ATAD2B: variants seen among roughly 807,000 people sequenced by gnomAD.
ATAD2B encodes the protein ATPase family AAA domain-containing protein 2B.
In ATAD2B, 40 loss-of-function variants were observed where a neutral mutation model predicts 167.6. That is an observed-to-expected ratio of 0.24 (90% CI 0.19 to 0.31). The LOEUF (loss-of-function observed/expected upper bound fraction) is 0.31. ATAD2B is among the 10% of genes least tolerant of loss of function. The pLI is 1.00. For synonymous variants in ATAD2B, 579 were observed against 596.5 expected (o/e 0.97, Z 0.43); for missense variants, 1,242 against 1,757.2 (o/e 0.71, Z 5.24).
At chr2:23,878,590 C>T (rs1490507928) in intron 7 of ATAD2B, among the ~76,000 whole-genome samples, 1 of 151,756 alleles carries the variant, frequency 6.6e-6, no homozygotes, top group East Asian at 1.9e-4. Flanking sequence ...ACCTGGGAGG[C>T]GGAGCTTGCA....
At chr2:23,886,094 A>C (rs1422556991) in intron 4 of ATAD2B, among the ~76,000 whole-genome samples, 1 of 151,848 alleles carries the variant, frequency 6.6e-6, no homozygotes, top group East Asian at 1.9e-4. Flanking sequence ...ACAGGCATGC[A>C]CTACCATGCC....
intron 14 of ATAD2B, among the ~76,000 whole-genome samples, chr2:23,829,418 GA>G (rs1157786390): frequency 6.6e-6 from 1 of 152,064 alleles, no homozygotes; most frequent in Non-Finnish European, 1.5e-5. Flanking sequence ...ACTTAAACTT[GA>G]AAAAAGTTTT....
chr2:23,803,300 T>C (rs1451579102), intron 18 of ATAD2B, among the ~76,000 whole-genome samples: 1 of 149,654 alleles, frequency 6.7e-6, no homozygotes, highest in Non-Finnish European at 1.5e-5. Context: ...AAATGCTCAG[T>C]AACATATGTG....
chr2:23,835,321 G>C (rs1480880362), intron 13 of ATAD2B, among the ~76,000 whole-genome samples: 2 of 152,200 alleles, frequency 1.3e-5, no homozygotes, highest in Non-Finnish European at 2.9e-5. Context: ...CAATGGAACA[G>C]TATTCCTCAA....
intron 19 of ATAD2B, among the ~76,000 whole-genome samples, chr2:23,789,764 T>C (rs1471067116): frequency 6.6e-6 from 1 of 152,164 alleles, no homozygotes; most frequent in East Asian, 1.9e-4. Context: ...ATAAATATGA[T>C]ATCATTCTAC....
intron 22 of ATAD2B, among the ~76,000 whole-genome samples, chr2:23,772,988 T>A (rs1254813544): frequency 6.6e-6 from 1 of 152,176 alleles, no homozygotes; most frequent in Non-Finnish European, 1.5e-5. Context: ...GCGATCTGCC[T>A]ACCTCGGTCT....
the ATAD2B span, among the ~76,000 whole-genome samples, chr2:23,728,483 A>G: frequency 5.9e-5 from 9 of 152,218 alleles, no homozygotes; most frequent in Non-Finnish European, 1.2e-4. Flanking sequence ...ATACTACGAA[A>G]AAAAGTCAAC....
chr2:23,855,059 T>A (rs1222884893), intron 13 of ATAD2B, among the ~76,000 whole-genome samples: 1 of 152,070 alleles, frequency 6.6e-6, no homozygotes, highest in African/African-American at 2.4e-5. Flanking sequence ...CCGGGCATGG[T>A]GGTGCACACC....
chr2:23,794,314 C>T (rs2149443920), intron 19 of ATAD2B, among the ~76,000 whole-genome samples: 1 of 152,264 alleles, frequency 6.6e-6, no homozygotes, highest in Non-Finnish European at 1.5e-5. Context: ...CCAGCCAGCA[C>T]TGTTTTAAAT....
chr2:23,849,321 C>T (rs1160058872), intron 13 of ATAD2B, among the ~76,000 whole-genome samples: 1 of 151,930 alleles, frequency 6.6e-6, no homozygotes, highest in African/African-American at 2.4e-5. Flanking sequence ...AAATAAATTT[C>T]AAAATTAAGT....
At chr2:23,804,733 T>C (rs969567694) in intron 18 of ATAD2B, among the ~76,000 whole-genome samples, 5 of 151,444 alleles carry the variant, frequency 3.3e-5, no homozygotes, top group African/African-American at 1.2e-4. Context: ...TTCCTAAGTG[T>C]TTCCTTACCT....
At chr2:23,684,438 C>T in the ATAD2B span, 46 of 1,550,098 alleles carry the variant, frequency 3.0e-5, no homozygotes, top group Middle Eastern at 5.0e-4. The surrounding 1 kb of genome is among the most constrained non-coding windows in gnomAD (Gnocchi z 4.4). Context: ...AGAGCGAAAG[C>T]GTTTACAGAC....
chr2:23,904,668 A>C (rs1174622598), intron 1 of ATAD2B, among the ~76,000 whole-genome samples: 1 of 152,190 alleles, frequency 6.6e-6, no homozygotes, highest in Non-Finnish European at 1.5e-5. Context: ...AAAGAGACAA[A>C]GAAAAAACAG....
At chr2:23,739,129 T>G in the ATAD2B span, among the ~76,000 whole-genome samples, 3 of 152,090 alleles carry the variant, frequency 2.0e-5, no homozygotes, top group African/African-American at 4.8e-5. Flanking sequence ...CTGTCAACAT[T>G]AGACAGATCA....
intron 1 of ATAD2B, among the ~76,000 whole-genome samples, chr2:23,917,505 A>G (rs1703212964): frequency 6.6e-6 from 1 of 152,198 alleles, no homozygotes; most frequent in Non-Finnish European, 1.5e-5. Flanking sequence ...AAATGTATAC[A>G]CTGTAAATTA....
At chr2:23,897,396 C>G (rs1203557783) in intron 1 of ATAD2B, among the ~76,000 whole-genome samples, 5 of 152,076 alleles carry the variant, frequency 3.3e-5, no homozygotes, top group African/African-American at 1.2e-4. Context: ...TGATAATTCA[C>G]CAATATCCTG....
chr2:23,903,816 T>C (rs1344503268), intron 1 of ATAD2B, among the ~76,000 whole-genome samples: 1 of 152,098 alleles, frequency 6.6e-6, no homozygotes, highest in Non-Finnish European at 1.5e-5. Context: ...ACGGCCTCAT[T>C]TAGAATTGGG....
At chr2:23,688,002 G>T in the ATAD2B span, among the ~76,000 whole-genome samples, 1 of 152,152 alleles carries the variant, frequency 6.6e-6, no homozygotes, top group African/African-American at 2.4e-5. Flanking sequence ...CCATGCAGAA[G>T]GGTCCCGGCA....
At chr2:23,823,140 G>C in intron 16 of ATAD2B, 118 bp downstream of exon 16, 1 of 897,996 alleles carries the variant, frequency 1.1e-6, no homozygotes. Flanking sequence ...GGAATATATA[G>C]TACTGAATAA....
Sources: allele counts gnomAD v4.1 joint callset (sites outside exome capture counted in the v4.1 genomes callset), GRCh38; gene constraint gnomAD v4.1.1; non-coding constraint Gnocchi (gnomAD v3.1); transcripts MANE v1.5; gene names NCBI Gene and HGNC (gene_info 2026-07-23, HGNC 2026-07-21).